TIAM2: variants seen among roughly 807,000 people sequenced by gnomAD.
TIAM2 encodes TIAM Rac1 associated GEF 2.
Under a neutral mutation model 152.9 loss-of-function variants are expected in TIAM2, and 80 were observed. The observed-to-expected ratio is 0.52, with a 90% CI of 0.44 to 0.63. The LOEUF (loss-of-function observed/expected upper bound fraction) is 0.63. TIAM2 is among the 30% of genes least tolerant of loss of function. TIAM2 has a pLI of 0.00. For synonymous variants in TIAM2, 804 were observed against 838.0 expected (o/e 0.96, Z 0.70); for missense variants, 1,965 against 2,120.1 (o/e 0.93, Z 1.44).
intron 1 of TIAM2, among the ~76,000 whole-genome samples, chr6:155,080,367 G>T (rs73792686): frequency 0.015 from 2,278 of 151,758 alleles, 65 homozygotes; most frequent in African/African-American, 0.052. Flanking sequence ...TGTGGGCAAG[G>T]TATATAACCA....
At chr6:155,154,188 T>C (rs966715666) in intron 7 of TIAM2, among the ~76,000 whole-genome samples, 3 of 152,162 alleles carry the variant, frequency 2.0e-5, no homozygotes, top group Non-Finnish European at 4.4e-5. Flanking sequence ...CCTCAATAAA[T>C]ATACATTTAT....
intron 1 of TIAM2, among the ~76,000 whole-genome samples, chr6:155,042,579 A>G (rs1296141091): frequency 6.6e-6 from 1 of 152,200 alleles, no homozygotes; most frequent in African/African-American, 2.4e-5. Context: ...CCTGTGTGAC[A>G]GAGTGAGACT....
intron 1 of TIAM2, among the ~76,000 whole-genome samples, chr6:155,004,127 C>T (rs12215938): frequency 0.14 from 20,834 of 152,140 alleles, 1,433 homozygotes; most frequent in Middle Eastern, 0.19. Flanking sequence ...CTGCCTGCCT[C>T]GGCCTCCGAA....
chr6:155,030,987 G>A (rs1475783098), intron 1 of TIAM2, among the ~76,000 whole-genome samples: 2 of 152,198 alleles, frequency 1.3e-5, no homozygotes, highest in African/African-American at 4.8e-5. Flanking sequence ...TAGTTTTGGT[G>A]AAATAAGTTC....
At chr6:155,155,834 G>A (rs1326231657) in intron 7 of TIAM2, among the ~76,000 whole-genome samples, 1 of 152,190 alleles carries the variant, frequency 6.6e-6, no homozygotes, top group African/African-American at 2.4e-5. Flanking sequence ...GCGTTTGTTC[G>A]GTGCATACTC....
chr6:155,256,111 G>C (rs957404378), intron 26 of TIAM2: 6 of 358,850 alleles, frequency 1.7e-5, no homozygotes, highest in Non-Finnish European at 3.0e-5. Context: ...TGATCTTCAT[G>C]ATCAAATTAC....
intron 7 of TIAM2, among the ~76,000 whole-genome samples, chr6:155,150,515 G>A (rs1779929317): frequency 6.6e-6 from 1 of 152,300 alleles, no homozygotes; most frequent in African/African-American, 2.4e-5. Context: ...ACTGAGTGGT[G>A]GCTTGGGGCT....
intron 1 of TIAM2, among the ~76,000 whole-genome samples, chr6:155,060,467 C>T (rs1649796719): frequency 6.6e-6 from 1 of 152,208 alleles, no homozygotes; most frequent in Admixed American, 6.5e-5. Context: ...ATTGTTTCTT[C>T]TCCCTCAATT....
chr6:155,019,312 C>T (rs1776416551), intron 1 of TIAM2, among the ~76,000 whole-genome samples: 1 of 151,192 alleles, frequency 6.6e-6, no homozygotes, highest in African/African-American at 2.4e-5. Context: ...CCAGCCTGGG[C>T]CACAGAGCTA....
At chr6:155,168,930 T>C (rs1048469559) in intron 9 of TIAM2, 1 of 1,522,636 alleles carries the variant, frequency 6.6e-7, no homozygotes, top group African/African-American at 1.4e-5. Context: ...AACTTTGCTA[T>C]AGATGGCCGC....
intron 26 of TIAM2, 195 bp downstream of exon 26, chr6:155,254,768 G>A (rs1583295283): frequency 3.3e-6 from 2 of 613,800 alleles, no homozygotes; most frequent in East Asian, 5.7e-5. Context: ...CCAACCCCCA[G>A]TCCCTTGTCT....
chr6:155,137,634 G>A, intron 5 of TIAM2, 22 bp downstream of exon 5: 1 of 1,532,210 alleles, frequency 6.5e-7, no homozygotes, highest in Non-Finnish European at 8.7e-7. Flanking sequence ...GTCACCTGCT[G>A]AGGCCACTGG....
Position 155,256,810 on chromosome 6 carries a change from G to C in TIAM2, c.4795G>C (p.Glu1599Gln), listed in dbSNP as rs185942558. The C allele has an allele frequency of 1.2e-6, 2 of 1,614,166 alleles. No individual in the cohort carries two copies. The highest frequency in any genetic ancestry group is 2.2e-5 in the East Asian group (1 of 44,880). Residue 1599 changes from glutamate (E) to glutamine (Q), a missense_variant, in exon 27 of 27, where the codon GAG becomes CAG. Transcript: ENST00000682666. Reference sequence around the variant, plus strand: ...TCAGTTCCAGAGACTGAGGATTTCCGAGGACCCAGACGTTCACCCCGAGGC... The same window carrying C: ...TCAGTTCCAGAGACTGAGGATTTCCCAGGACCCAGACGTTCACCCCGAGGC... ...EIQFQRLRIS[E>Q]DPDVHPEAEQ...
chr6:155,075,724 G>A (rs561220045), intron 1 of TIAM2, among the ~76,000 whole-genome samples: 7 of 152,244 alleles, frequency 4.6e-5, no homozygotes, highest in African/African-American at 1.7e-4. Flanking sequence ...TGCATAGCCC[G>A]ACGGTAATTT....
chr6:155,122,604 TA>T (rs1779193556), intron 2 of TIAM2, among the ~76,000 whole-genome samples: 1 of 151,950 alleles, frequency 6.6e-6, no homozygotes, highest in African/African-American at 2.4e-5. Flanking sequence ...GTCCCGTAAA[TA>T]AAAAATAATT....
chr6:155,074,328 A>G (rs954470591), intron 1 of TIAM2, among the ~76,000 whole-genome samples: 1 of 152,186 alleles, frequency 6.6e-6, no homozygotes, highest in Non-Finnish European at 1.5e-5. Flanking sequence ...TAATTAATTT[A>G]AAGTAATGAT....
chr6:155,240,874 T>A (rs1002877555), intron 16 of TIAM2, among the ~76,000 whole-genome samples, 165 bp downstream of exon 16: 1 of 151,248 alleles, frequency 6.6e-6, no homozygotes, highest in African/African-American at 2.4e-5. Flanking sequence ...AGGGGAAGAG[T>A]GAGAGGGTGG....
At chr6:155,115,187 G>T (rs1778981534) in intron 2 of TIAM2, among the ~76,000 whole-genome samples, 1 of 149,390 alleles carries the variant, frequency 6.7e-6, no homozygotes. Flanking sequence ...AAAAAAAAAA[G>T]GAATAATTTC....
chr6:155,124,904 C>T (rs987142799), intron 2 of TIAM2, among the ~76,000 whole-genome samples: 13 of 150,474 alleles, frequency 8.6e-5, no homozygotes, highest in Non-Finnish European at 1.8e-4. Context: ...CGTGGATAGA[C>T]TCAGGCAGGA....
Sources: gnomAD v4.1 joint callset for allele counts (sites outside exome capture counted in the v4.1 genomes callset) on GRCh38, gnomAD v4.1.1 for gene constraint, MANE v1.5 for transcripts, NCBI Gene and HGNC (gene_info 2026-07-23, HGNC 2026-07-21) for gene names.